The following FAM168A variants were observed in gnomAD, a reference collection of about 807,000 sequenced individuals.
FAM168A encodes the protein protein FAM168A.
A neutral mutation model predicts 28.5 loss-of-function variants in FAM168A; 3 were observed. That is an observed-to-expected ratio of 0.11 (90% CI 0.05 to 0.27). The LOEUF (loss-of-function observed/expected upper bound fraction) is 0.27. Among genes scored for constraint, FAM168A ranks in the 10% least tolerant of loss-of-function variants. The pLI is 1.00. For synonymous variants in FAM168A, 122 were observed against 124.2 expected, an observed-to-expected ratio of 0.98 and a Z score of 0.12; for missense variants, 222 against 311.5, an observed-to-expected ratio of 0.71 and a Z score of 2.16.
chr11:73,548,918 G>C (rs138456791), intron 1 of FAM168A, among the ~76,000 whole-genome samples: 3,043 of 152,100 alleles, frequency 0.02, 108 homozygotes, highest in African/African-American at 0.07. Context: ...TTATAGGAGT[G>C]AACCACCACA....
At chr11:73,425,878 G>T (rs989791535) in intron 3 of FAM168A, among the ~76,000 whole-genome samples, 4 of 152,200 alleles carry the variant, frequency 2.6e-5, no homozygotes, top group African/African-American at 9.7e-5. Context: ...ATAACTTTGG[G>T]CAACTTATTT....
intron 1 of FAM168A, among the ~76,000 whole-genome samples, chr11:73,592,521 G>A (rs1196049573): frequency 6.6e-6 from 1 of 152,126 alleles, no homozygotes; most frequent in Admixed American, 6.5e-5. Flanking sequence ...ACCAGGGGTC[G>A]GCCAGCTATG....
chr11:73,496,265 G>A (rs1244379949), intron 1 of FAM168A, among the ~76,000 whole-genome samples: 1 of 152,210 alleles, frequency 6.6e-6, no homozygotes, highest in Non-Finnish European at 1.5e-5. Flanking sequence ...ATCCAAAGAA[G>A]TTAAACTCTT....
intron 1 of FAM168A, among the ~76,000 whole-genome samples, chr11:73,595,147 C>G (rs964312040): frequency 6.6e-5 from 10 of 152,228 alleles, no homozygotes; most frequent in African/African-American, 2.4e-4. Flanking sequence ...ACCTCTAGAC[C>G]AAGCCTGCAG....
intron 1 of FAM168A, among the ~76,000 whole-genome samples, chr11:73,567,845 C>T (rs1944040035): frequency 6.6e-6 from 1 of 152,148 alleles, no homozygotes; most frequent in Admixed American, 6.5e-5. Flanking sequence ...CCCCGGACAA[C>T]AAGATAGAAG....
chr11:73,586,384 C>T (rs979771134), intron 1 of FAM168A, among the ~76,000 whole-genome samples: 1 of 152,076 alleles, frequency 6.6e-6, no homozygotes, highest in Non-Finnish European at 1.5e-5. Flanking sequence ...AGTTCAAGAC[C>T]AGCCTGGGCA....
At chr11:73,487,494 T>C (rs1440105119) in intron 1 of FAM168A, among the ~76,000 whole-genome samples, 2 of 152,166 alleles carry the variant, frequency 1.3e-5, no homozygotes, top group Non-Finnish European at 2.9e-5. Flanking sequence ...TCCAAGTAAC[T>C]TTCCTCTTAT....
At chr11:73,502,101 GAAAAAA>G (rs374810262) in intron 1 of FAM168A, among the ~76,000 whole-genome samples, 302 of 56,544 alleles carry the variant, frequency 5.3e-3, no homozygotes, top group African/African-American at 0.019. Context: ...GCTTTGTCTC[GAAAAAA>G]AAAAAAAAAA....
intron 4 of FAM168A, among the ~76,000 whole-genome samples, chr11:73,417,053 G>A (rs916539803): frequency 7.9e-5 from 12 of 152,186 alleles, no homozygotes; most frequent in African/African-American, 2.9e-4. Context: ...GGGATTTCAG[G>A]AAGATTTCAA....
chr11:73,411,981 T>G (rs1866619958), intron 4 of FAM168A, among the ~76,000 whole-genome samples: 1 of 152,114 alleles, frequency 6.6e-6, no homozygotes. Context: ...GTTTCTGTCT[T>G]TCTCTCTTTT....
At chr11:73,547,861 A>C (rs930412643) in intron 1 of FAM168A, among the ~76,000 whole-genome samples, 24 of 152,248 alleles carry the variant, frequency 1.6e-4, no homozygotes, top group African/African-American at 5.3e-4. Flanking sequence ...AAAAAAAAAA[A>C]AACACATGGT....
intron 1 of FAM168A, among the ~76,000 whole-genome samples, chr11:73,590,560 C>A (rs1401543739): frequency 6.6e-6 from 1 of 152,162 alleles, no homozygotes; most frequent in African/African-American, 2.4e-5. Flanking sequence ...AAATAATCTA[C>A]ATTATTAGAA....
intron 1 of FAM168A, among the ~76,000 whole-genome samples, chr11:73,519,179 A>C (rs1351630791): frequency 1.3e-5 from 2 of 152,184 alleles, no homozygotes; most frequent in African/African-American, 4.8e-5. Flanking sequence ...CAAGAGGTAG[A>C]TACTATTTCT....
intron 1 of FAM168A, among the ~76,000 whole-genome samples, chr11:73,587,169 A>AAC (rs1555040932): frequency 2.7e-4 from 41 of 150,246 alleles, no homozygotes; most frequent in African/African-American, 1.0e-3. Flanking sequence ...AAAAAAAAAA[A>AAC]AAAAAAAAAC....
Position 73,449,407 on chromosome 11 carries a change from G to A in FAM168A, c.71-18637C>T, listed in dbSNP as rs144170355. On this transcript the variant is annotated intron_variant, in intron 2 of 7. Transcript: ENST00000356467. ...TAAGCTACATGAAAAAAAAAATCTG[G>A]CACTGGATTTACTAGGGAATGGGTA... Among the ~76,000 whole-genome samples, 8 of 152,246 alleles carry A rather than the reference G, an allele frequency of 5.3e-5. No individual in the cohort carries two copies. The East Asian group carries it at 1.2e-3, about 22-fold the overall frequency.
chr11:73,513,078 T>C (rs1182772896), intron 1 of FAM168A, among the ~76,000 whole-genome samples: 2 of 151,980 alleles, frequency 1.3e-5, no homozygotes, highest in East Asian at 3.8e-4. Flanking sequence ...ATCCATAAGC[T>C]CCTCAACAGT....
At chr11:73,591,820 A>G (rs1216036268) in intron 1 of FAM168A, among the ~76,000 whole-genome samples, 1 of 152,174 alleles carries the variant, frequency 6.6e-6, no homozygotes, top group Non-Finnish European at 1.5e-5. Context: ...ACCCTCTTAG[A>G]GTCTTAATTT....
At chr11:73,410,593 G>C (rs1020409048) in intron 5 of FAM168A, 1 of 152,096 alleles carries the variant, frequency 6.6e-6, no homozygotes, top group African/African-American at 2.4e-5. Flanking sequence ...ACTTGTAGGG[G>C]AAGTAAACAG....
chr11:73,503,288 G>A (rs1439256643), intron 1 of FAM168A, among the ~76,000 whole-genome samples: 1 of 152,124 alleles, frequency 6.6e-6, no homozygotes, highest in Non-Finnish European at 1.5e-5. Context: ...GAACTGATAA[G>A]CAACTTCAGC....
Sources: allele counts gnomAD v4.1 joint callset (sites outside exome capture counted in the v4.1 genomes callset), GRCh38; gene constraint gnomAD v4.1.1; transcripts MANE v1.5; gene names NCBI Gene and HGNC (gene_info 2026-07-23, HGNC 2026-07-21).